The following USP45 variants were observed in gnomAD, a reference collection of about 807,000 sequenced individuals.
The protein encoded by USP45 is ubiquitin carboxyl-terminal hydrolase 45.
USP45 carries 89 observed loss-of-function variants against 95.8 expected under a neutral mutation model. That is an observed-to-expected ratio of 0.93 (90% CI 0.78 to 1.11). The LOEUF (loss-of-function observed/expected upper bound fraction) is 1.11. Among genes scored for constraint, USP45 ranks in the 50% least tolerant of loss-of-function variants. The pLI is 0.00. For synonymous variants in USP45, 281 were observed against 316.2 expected (o/e 0.89, Z 1.18); for missense variants, 898 against 942.5 (o/e 0.95, Z 0.62).
intron 5 of USP45, among the ~76,000 whole-genome samples, chr6:99,498,320 T>C (rs1796721637): frequency 6.6e-6 from 1 of 152,184 alleles, no homozygotes; most frequent in African/African-American, 2.4e-5. Context: ...CTGGTCACAT[T>C]CTATTTGGTT....
intron 15 of USP45, among the ~76,000 whole-genome samples, chr6:99,442,620 G>A (rs1781731751): frequency 6.6e-6 from 1 of 152,172 alleles, no homozygotes; most frequent in South Asian, 2.1e-4. Flanking sequence ...GCCGAGGTGG[G>A]CGGATCACCT....
chr6:99,455,020 G>T (rs1054528172), intron 13 of USP45, among the ~76,000 whole-genome samples: 1 of 151,488 alleles, frequency 6.6e-6, no homozygotes, highest in Admixed American at 6.6e-5. Context: ...AACCTGGGAG[G>T]TGGAGGTTGC....
intron 13 of USP45, among the ~76,000 whole-genome samples, chr6:99,448,173 G>A (rs945240796): frequency 6.6e-6 from 1 of 152,204 alleles, no homozygotes; most frequent in South Asian, 2.1e-4. Context: ...CGCCAGCAAC[G>A]GAACAAAGCT....
In USP45 at chr6:99,482,842, G is replaced by C; in HGVS notation, c.756C>G (p.Thr252=). The C allele has an allele frequency of 6.2e-7, 1 of 1,600,396 alleles. No individual in the cohort carries two copies. The highest frequency in any genetic ancestry group is 8.5e-7 in the Non-Finnish European group (1 of 1,173,044). Residue 252 remains threonine (T), a synonymous_variant, in exon 8 of 18, where the codon ACC becomes ACG. Coordinates refer to ENST00000500704, the MANE Select transcript of USP45 (RefSeq NM_001346022.3). Reference sequence around the variant, plus strand: ...TGTGAAGAAACAGGAACAAGGCTGAGGTCAGTGGTCCAGGCCTTGAAAGTT... The same window carrying C: ...TGTGAAGAAACAGGAACAAGGCTGACGTCAGTGGTCCAGGCCTTGAAAGTT... The part of the protein sequence containing the change: ...VVELSRPGPL[T]SALFLFLHSM...
chr6:99,444,895 T>C (rs551537677), intron 14 of USP45, among the ~76,000 whole-genome samples: 2 of 152,330 alleles, frequency 1.3e-5, no homozygotes, highest in East Asian at 1.9e-4. Context: ...AATTATCTCC[T>C]GATCTTTTAG....
At chr6:99,452,331 A>G (rs1189144618) in intron 13 of USP45, among the ~76,000 whole-genome samples, 1 of 152,218 alleles carries the variant, frequency 6.6e-6, no homozygotes, top group Admixed American at 6.5e-5. Flanking sequence ...ACAAATTTAC[A>G]AGAAAAAAAC....
intron 5 of USP45, among the ~76,000 whole-genome samples, chr6:99,500,741 CTTTA>C (rs569833990): frequency 5.7e-4 from 87 of 152,236 alleles, no homozygotes; most frequent in Non-Finnish European, 1.1e-3. Flanking sequence ...TTTCCTGGTT[CTTTA>C]TTTGAGCAGA....
chr6:99,495,520 G>C (rs1015719175), intron 5 of USP45, among the ~76,000 whole-genome samples: 6 of 152,182 alleles, frequency 3.9e-5, no homozygotes, highest in African/African-American at 1.4e-4. Flanking sequence ...TAGAACTGAA[G>C]CATTTCAAAG....
At chr6:99,491,798 C>T (rs1583348928) in intron 5 of USP45, among the ~76,000 whole-genome samples, 1 of 151,772 alleles carries the variant, frequency 6.6e-6, no homozygotes, top group East Asian at 1.9e-4. Context: ...GCAGACTTAA[C>T]ATTCTTAATA....
intron 13 of USP45, among the ~76,000 whole-genome samples, chr6:99,447,802 G>T (rs1317858436): frequency 1.3e-5 from 2 of 152,174 alleles, no homozygotes; most frequent in African/African-American, 4.8e-5. Context: ...CCCCAGTAGG[G>T]GCACACTGAC....
At chr6:99,437,612 T>C (rs980812249) in intron 16 of USP45, among the ~76,000 whole-genome samples, 1 of 152,200 alleles carries the variant, frequency 6.6e-6, no homozygotes, top group African/African-American at 2.4e-5. Context: ...ATATTGCACA[T>C]GGGAATGCAA....
intron 8 of USP45, chr6:99,482,459 C>G: frequency 3.3e-6 from 1 of 306,696 alleles, no homozygotes; most frequent in Non-Finnish European, 5.9e-6. Context: ...TATGGTATTA[C>G]AACATAGGCA....
intron 13 of USP45, among the ~76,000 whole-genome samples, chr6:99,463,139 T>A (rs983128781): frequency 6.6e-6 from 1 of 152,200 alleles, no homozygotes; most frequent in Admixed American, 6.5e-5. Flanking sequence ...CAGCCAGGTA[T>A]GTCCCTAGTG....
chr6:99,438,247 T>C (rs1462411741), intron 16 of USP45, among the ~76,000 whole-genome samples: 1 of 152,120 alleles, frequency 6.6e-6, no homozygotes, highest in East Asian at 1.9e-4. Context: ...AGCTGTAGGA[T>C]ATAATGTTAA....
intron 13 of USP45, 140 bp downstream of exon 13, chr6:99,464,464 T>C (rs1787383210): frequency 1.3e-6 from 1 of 797,062 alleles, no homozygotes; most frequent in African/African-American, 1.7e-5. Context: ...AGTATACAAG[T>C]AGCCAAGTTG....
chr6:99,440,709 G>C (rs1781367097), intron 15 of USP45, among the ~76,000 whole-genome samples: 1 of 151,416 alleles, frequency 6.6e-6, no homozygotes, highest in African/African-American at 2.4e-5. Context: ...TTTTGCCGAA[G>C]TGTATTCACC....
chr6:99,510,463 T>C (rs551586641), intron 1 of USP45, among the ~76,000 whole-genome samples: 1 of 152,332 alleles, frequency 6.6e-6, no homozygotes, highest in Admixed American at 6.5e-5. Context: ...ACTAAATGTT[T>C]GTGTCCCCAC....
chr6:99,478,692 C>T (rs1280291193), intron 8 of USP45, among the ~76,000 whole-genome samples: 2 of 152,088 alleles, frequency 1.3e-5, no homozygotes, highest in African/African-American at 2.4e-5. Context: ...AGAACAAAAT[C>T]ATATCCTTTG....
At chr6:99,497,606 A>G (rs888997709) in intron 5 of USP45, among the ~76,000 whole-genome samples, 3 of 152,218 alleles carry the variant, frequency 2.0e-5, no homozygotes, top group Non-Finnish European at 4.4e-5. Context: ...TGATATTAAC[A>G]TAATAAATGG....
Sources: allele counts gnomAD v4.1 joint callset (sites outside exome capture counted in the v4.1 genomes callset), GRCh38; gene constraint gnomAD v4.1.1; transcripts MANE v1.5; gene names NCBI Gene and HGNC (gene_info 2026-07-23, HGNC 2026-07-21).